Variants in BTBD9 observed in about 807,000 individuals in gnomAD.
BTBD9 encodes BTB domain containing 9.
Under a neutral mutation model 64.3 loss-of-function variants are expected in BTBD9, and 49 were observed. The observed-to-expected ratio is 0.76, with a 90% confidence interval of 0.61 to 0.97. BTBD9 has a LOEUF of 0.97. Among genes scored for constraint, BTBD9 ranks in the 50% least tolerant of loss-of-function variants. BTBD9 has a pLI of 0.00. For missense variants in BTBD9, 598 were observed against 762.1 expected (o/e 0.78, Z 2.53); for synonymous variants, 260 against 274.7 (o/e 0.95, Z 0.53).
chr6:38,567,415 T>C (rs920119875), intron 6 of BTBD9, among the ~76,000 whole-genome samples: 1 of 152,182 alleles, frequency 6.6e-6, no homozygotes, highest in Non-Finnish European at 1.5e-5. Context: ...AAATTATAAT[T>C]TGAAACATAA....
intron 6 of BTBD9, among the ~76,000 whole-genome samples, chr6:38,546,887 C>T (rs138755674): frequency 3.1e-3 from 472 of 152,244 alleles, no homozygotes; most frequent in Middle Eastern, 0.01. Flanking sequence ...AGACTGGTCT[C>T]GAACTCCCGA....
intron 9 of BTBD9, among the ~76,000 whole-genome samples, chr6:38,222,257 G>GTT (rs1156925177): frequency 1.6e-3 from 188 of 114,328 alleles, no homozygotes; most frequent in African/African-American, 2.7e-3. Flanking sequence ...TCATTCAGTT[G>GTT]TTTTTTTTTT....
chr6:38,410,633 T>C (rs1332933502), intron 6 of BTBD9, among the ~76,000 whole-genome samples: 4 of 152,174 alleles, frequency 2.6e-5, no homozygotes, highest in Non-Finnish European at 5.9e-5. Context: ...ATGAAAATAT[T>C]ACCTGGTCAT....
At chr6:38,434,434 T>C (rs1768610854) in intron 6 of BTBD9, among the ~76,000 whole-genome samples, 3 of 151,968 alleles carry the variant, frequency 2.0e-5, no homozygotes, top group Non-Finnish European at 2.9e-5. Flanking sequence ...AATGCACCTA[T>C]AGCCTGAAAC....
intron 7 of BTBD9, among the ~76,000 whole-genome samples, chr6:38,291,589 T>G (rs1334995509): frequency 6.6e-6 from 1 of 152,232 alleles, no homozygotes; most frequent in South Asian, 2.1e-4. Flanking sequence ...CAGGGAATGC[T>G]TCCAGCTTTT....
At chr6:38,594,883 CTT>C (rs1325706088) in intron 2 of BTBD9, among the ~76,000 whole-genome samples, 7 of 152,104 alleles carry the variant, frequency 4.6e-5, no homozygotes, top group African/African-American at 1.7e-4. Flanking sequence ...TGTGCATACC[CTT>C]CAACTCAGTA....
chr6:38,311,856 T>C (rs1286256043), intron 7 of BTBD9, among the ~76,000 whole-genome samples: 1 of 152,056 alleles, frequency 6.6e-6, no homozygotes, highest in Admixed American at 6.6e-5. Flanking sequence ...CTGAGCACCT[T>C]TTCTTTTTTA....
intron 1 of BTBD9, among the ~76,000 whole-genome samples, chr6:38,612,258 T>C (rs1036787678): frequency 1.3e-5 from 2 of 152,202 alleles, no homozygotes; most frequent in African/African-American, 4.8e-5. Flanking sequence ...ATGAAATAAG[T>C]GATTCACATA....
intron 6 of BTBD9, among the ~76,000 whole-genome samples, chr6:38,570,941 TA>T (rs1262341707): frequency 1.3e-5 from 2 of 152,240 alleles, no homozygotes; most frequent in African/African-American, 2.4e-5. Flanking sequence ...TAGCTTCGAG[TA>T]AAATTGTTAT....
intron 4 of BTBD9, among the ~76,000 whole-genome samples, chr6:38,592,015 T>C (rs972681504): frequency 1.3e-5 from 2 of 151,906 alleles, no homozygotes; most frequent in African/African-American, 4.8e-5. Flanking sequence ...TGAAACCCCG[T>C]CTCTACTAAA....
intron 9 of BTBD9, among the ~76,000 whole-genome samples, chr6:38,215,504 T>A (rs1762984429): frequency 2.6e-5 from 4 of 152,318 alleles, no homozygotes; most frequent in Middle Eastern, 6.8e-3. Flanking sequence ...AAGGCCCTGT[T>A]AGCGCTGGAT....
chr6:38,278,313 A>C (rs1761368460), intron 8 of BTBD9, among the ~76,000 whole-genome samples: 2 of 152,260 alleles, frequency 1.3e-5, no homozygotes. Context: ...ACAAAAAATA[A>C]AACTGAAAAA....
At chr6:38,206,220 A>C (rs1202367344) in intron 9 of BTBD9, among the ~76,000 whole-genome samples, 1 of 149,986 alleles carries the variant, frequency 6.7e-6, no homozygotes, top group Admixed American at 6.6e-5. Context: ...AAAACTAAGC[A>C]ATTTTTTTTT....
At position 38,366,023 on chromosome 6, in the gene BTBD9, A is replaced by G. The variant is rs145479767; in HGVS notation, c.1155-20930T>C. ...TTCTCACTCAAAAGGATGAAATTAT[A>G]TTGAACTCTGGTTCTCATCTTTGCT... On this transcript the variant is annotated intron_variant, in intron 6 of 10. Transcript: ENST00000481247. Among the ~76,000 whole-genome samples, 2 of 152,334 alleles carry G rather than the reference A, an allele frequency of 1.3e-5. 1 individual carries two copies. The highest frequency in any genetic ancestry group is 3.9e-4 in the East Asian group (2 of 5,188).
chr6:38,236,213 C>T (rs891165251), intron 9 of BTBD9, among the ~76,000 whole-genome samples: 1 of 152,166 alleles, frequency 6.6e-6, no homozygotes, highest in African/African-American at 2.4e-5. Flanking sequence ...TCCCCTTTTC[C>T]AAATACAATG....
intron 7 of BTBD9, among the ~76,000 whole-genome samples, chr6:38,300,129 G>T (rs1015613065): frequency 2.0e-5 from 3 of 152,128 alleles, no homozygotes; most frequent in African/African-American, 7.2e-5. Flanking sequence ...TTTCCCCATT[G>T]CTTGTCTTTG....
At chr6:38,359,988 T>A (rs1764886405) in intron 6 of BTBD9, among the ~76,000 whole-genome samples, 1 of 152,070 alleles carries the variant, frequency 6.6e-6, no homozygotes. Context: ...CCTATCTTTT[T>A]AAAAAGTCAT....
intron 6 of BTBD9, among the ~76,000 whole-genome samples, chr6:38,526,750 C>T (rs909481706): frequency 6.6e-6 from 1 of 152,150 alleles, no homozygotes; most frequent in African/African-American, 2.4e-5. Context: ...GGCCTGTAGC[C>T]CCTTTGTTTT....
intron 8 of BTBD9, among the ~76,000 whole-genome samples, chr6:38,273,247 TAGTAC>T (rs1235901602): frequency 6.6e-6 from 1 of 152,208 alleles, no homozygotes; most frequent in African/African-American, 2.4e-5. Context: ...GTACACTTTG[TAGTAC>T]AGTAATGTCC....
Sources: gnomAD v4.1 joint callset for allele counts (sites outside exome capture counted in the v4.1 genomes callset) on GRCh38, gnomAD v4.1.1 for gene constraint, MANE v1.5 for transcripts, NCBI Gene and HGNC (gene_info 2026-07-23, HGNC 2026-07-21) for gene names.